The following DSCAM variants were observed in gnomAD, a reference collection of about 807,000 sequenced individuals.
DSCAM encodes cell adhesion molecule DSCAM.
Under a neutral mutation model 217.7 loss-of-function variants are expected in DSCAM, and 47 were observed. The ratio of observed to expected loss-of-function variants is 0.22; its 90% CI spans 0.17 to 0.28. The LOEUF is 0.28. Among genes scored for constraint, DSCAM ranks in the 10% least tolerant of loss-of-function variants. DSCAM has a pLI of 1.00. For synonymous variants in DSCAM, 1,056 were observed against 1,015.3 expected, an observed-to-expected ratio of 1.04 and a Z score of -0.76; for missense variants, 2,080 against 2,618.3, an observed-to-expected ratio of 0.79 and a Z score of 4.49.
intron 10 of DSCAM, among the ~76,000 whole-genome samples, chr21:40,286,691 C>T (rs1410618949): frequency 5.1e-5 from 7 of 138,096 alleles, no homozygotes; most frequent in African/African-American, 2.3e-4. Context: ...ACAGGTGATC[C>T]TCAGTGTGAT....
chr21:40,154,187 TCCTTCCTTCCTTCCTC>T (rs1194418574), intron 16 of DSCAM, among the ~76,000 whole-genome samples: 1 of 150,784 alleles, frequency 6.6e-6, no homozygotes, highest in Non-Finnish European at 1.5e-5. Context: ...TCTTCTTCCT[TCCTTCCTTCCTTCCTC>T]CCTTCCTTTC....
At chr21:40,822,453 A>T (rs1859956332) in intron 1 of DSCAM, among the ~76,000 whole-genome samples, 1 of 151,732 alleles carries the variant, frequency 6.6e-6, no homozygotes, top group Admixed American at 6.6e-5. Flanking sequence ...TTTTTTAAAA[A>T]AAAAGACTTT....
intron 3 of DSCAM, among the ~76,000 whole-genome samples, chr21:40,540,064 G>A (rs1009041113): frequency 3.3e-5 from 5 of 152,124 alleles, no homozygotes; most frequent in East Asian, 1.9e-4. Context: ...TTATTTTCAC[G>A]TATGATCCAT....
chr21:40,834,789 C>T (rs746868011), intron 1 of DSCAM, among the ~76,000 whole-genome samples: 12 of 152,264 alleles, frequency 7.9e-5, no homozygotes, highest in South Asian at 2.1e-4. Context: ...CCTCCAGACC[C>T]CCCAGGAAAA....
At chr21:40,819,957 T>C (rs2091912296) in intron 1 of DSCAM, among the ~76,000 whole-genome samples, 1 of 152,240 alleles carries the variant, frequency 6.6e-6, no homozygotes, top group Non-Finnish European at 1.5e-5. Flanking sequence ...TCATCAGGAA[T>C]GGGATAAGGC....
chr21:40,138,814 G>A (rs544124660), intron 18 of DSCAM, among the ~76,000 whole-genome samples: 28 of 147,774 alleles, frequency 1.9e-4, no homozygotes, highest in African/African-American at 7.0e-4. Flanking sequence ...TGTGGTGTGT[G>A]TACGTGTGGT....
chr21:40,800,632 A>G (rs1232849390), intron 1 of DSCAM, among the ~76,000 whole-genome samples: 1 of 152,126 alleles, frequency 6.6e-6, no homozygotes, highest in African/African-American at 2.4e-5. Flanking sequence ...TCCCTGCCCA[A>G]GGGCTTTATG....
chr21:40,427,785 C>T (rs1225090178), intron 3 of DSCAM, among the ~76,000 whole-genome samples: 3 of 152,218 alleles, frequency 2.0e-5, no homozygotes, highest in Non-Finnish European at 2.9e-5. Context: ...GGCTGCCTGC[C>T]GCATGTGGCC....
At chr21:40,089,878 A>AG (rs2089583343) in intron 21 of DSCAM, among the ~76,000 whole-genome samples, 1 of 151,930 alleles carries the variant, frequency 6.6e-6, no homozygotes, top group Non-Finnish European at 1.5e-5. Flanking sequence ...TTTCTGGAAA[A>AG]AAAATCCACG....
At chr21:40,406,803 G>A (rs975024559) in intron 3 of DSCAM, among the ~76,000 whole-genome samples, 4 of 152,066 alleles carry the variant, frequency 2.6e-5, no homozygotes, top group Non-Finnish European at 5.9e-5. Flanking sequence ...AATTTTAGTA[G>A]AGACAGGGTT....
At chr21:40,254,787 C>T (rs2073349542) in intron 11 of DSCAM, among the ~76,000 whole-genome samples, 1 of 152,120 alleles carries the variant, frequency 6.6e-6, no homozygotes, top group Non-Finnish European at 1.5e-5. Flanking sequence ...GTTTCCAGCA[C>T]ACAGATCCCT....
chr21:40,480,233 G>T (rs925123011), intron 3 of DSCAM, among the ~76,000 whole-genome samples: 1 of 152,148 alleles, frequency 6.6e-6, no homozygotes, highest in Admixed American at 6.5e-5. Context: ...AAATCTATAG[G>T]CTCCTGTTAG....
At chr21:40,469,067 G>A (rs1339370776) in intron 3 of DSCAM, among the ~76,000 whole-genome samples, 1 of 152,010 alleles carries the variant, frequency 6.6e-6, no homozygotes, top group African/African-American at 2.4e-5. Flanking sequence ...TAAAGAGAAT[G>A]GCCTCAACAC....
intron 16 of DSCAM, among the ~76,000 whole-genome samples, chr21:40,147,621 A>G (rs1289758334): frequency 6.6e-6 from 1 of 152,206 alleles, no homozygotes; most frequent in African/African-American, 2.4e-5. Context: ...AACAACCACC[A>G]TTTCTATCCA....
intron 32 of DSCAM, among the ~76,000 whole-genome samples, chr21:40,020,859 G>A (rs1314259883): frequency 6.6e-6 from 1 of 152,202 alleles, no homozygotes; most frequent in Non-Finnish European, 1.5e-5. Context: ...TCTTTGGGCT[G>A]TAATGGTGGA....
intron 19 of DSCAM, among the ~76,000 whole-genome samples, chr21:40,131,693 C>G (rs1256607462): frequency 1.3e-5 from 2 of 152,168 alleles, no homozygotes; most frequent in African/African-American, 4.8e-5. Flanking sequence ...TTTGAAAATG[C>G]AGACTTATCC....
chr21:40,353,392 T>G, intron 5 of DSCAM, 73 bp downstream of exon 5: 3 of 1,561,956 alleles, frequency 1.9e-6, no homozygotes, highest in Non-Finnish European at 2.6e-6. Flanking sequence ...AGAGAAAACA[T>G]GGAGATTTGC....
intron 1 of DSCAM, among the ~76,000 whole-genome samples, chr21:40,757,622 C>A (rs2091289165): frequency 6.6e-6 from 1 of 152,192 alleles, no homozygotes; most frequent in Admixed American, 6.5e-5. Flanking sequence ...GGCTAGTCCA[C>A]CAGAGGGTAA....
intron 6 of DSCAM, 121 bp downstream of exon 6, chr21:40,347,549 G>A (rs2074572053): frequency 7.5e-7 from 1 of 1,336,914 alleles, no homozygotes; most frequent in African/African-American, 1.5e-5. Flanking sequence ...TAGAGTACTA[G>A]CTGGTGAGAC....
Sources: gnomAD v4.1 joint callset for allele counts (sites outside exome capture counted in the v4.1 genomes callset) on GRCh38, gnomAD v4.1.1 for gene constraint, MANE v1.5 for transcripts, NCBI Gene and HGNC (gene_info 2026-07-23, HGNC 2026-07-21) for gene names.